Variants in USP10 observed in about 807,000 individuals in gnomAD.
USP10 encodes ubiquitin specific peptidase 10.
A neutral mutation model predicts 84.5 loss-of-function variants in USP10; 22 were observed. The ratio of observed to expected loss-of-function variants is 0.26; its 90% CI spans 0.19 to 0.37. The LOEUF (loss-of-function observed/expected upper bound fraction) is 0.37, where lower values mean the gene tolerates loss of function less well. Ranked by LOEUF, USP10 falls within the 10% of genes least tolerant of loss-of-function variation. The pLI is 1.00. For missense variants in USP10, 1,019 were observed against 998.9 expected (o/e 1.02, Z -0.27); for synonymous variants, 454 against 387.6 (o/e 1.17, Z -2.01).
intron 4 of USP10, among the ~76,000 whole-genome samples, chr16:84,750,404 C>CTAAA (rs1911783712): frequency 9.4e-6 from 1 of 106,288 alleles, no homozygotes; most frequent in African/African-American, 3.6e-5. Context: ...GAGACTGTCT[C>CTAAA]AAAAAAAAAA....
rs145816258 is a variant in USP10 at position 84,725,463 on chromosome 16, C to T, written c.22-7972C>T. Among the ~76,000 whole-genome samples the T allele has an allele frequency of 4.6e-5, 7 of 152,180 alleles. No individual in the cohort carries two copies. The South Asian group carries it at 8.3e-4, about 18-fold the overall frequency. On this transcript the variant is annotated intron_variant, in intron 1 of 13. Transcript: ENST00000219473. ...TACCCGGGCTGGAGTGCAAATGGCA[C>T]GATTTCCGCTCACTGCAACCTCTGC...
intron 1 of USP10, among the ~76,000 whole-genome samples, chr16:84,723,961 T>C (rs1253579532): frequency 6.6e-6 from 1 of 152,216 alleles, no homozygotes; most frequent in African/African-American, 2.4e-5. Flanking sequence ...ATCTTCCATT[T>C]CTTTTTTTCT....
chr16:84,700,082 C>T lies in USP10; in HGVS notation c.-9C>T. 2 of 1,372,538 alleles carry T rather than the reference C, an allele frequency of 1.5e-6. No homozygotes were observed. The highest frequency in any genetic ancestry group is 1.5e-5 in the African/African-American group (1 of 65,022). 85.0% of individuals were successfully genotyped at this position (1,372,538 alleles called of 1,614,324 possible). A position where few individuals can be genotyped will look rare whatever the true frequency, so the allele number is the denominator to read the frequency against. On this transcript the variant is annotated 5_prime_UTR_variant, in exon 1 of 14. In the 5' UTR this introduces an upstream ATG that the reference lacks. Transcript: ENST00000219473. ...GGAGGATCGCGGAGTCCCAATGAAA[C>T]GGGCAGCCATGGCCCTCCACAGCCC... is the stretch of plus-strand genomic sequence containing the variant.
At chr16:84,759,260 T>C in intron 5 of USP10, 103 bp from the exon 6 acceptor site, 1 of 1,088,096 alleles carries the variant, frequency 9.2e-7, no homozygotes. Flanking sequence ...TCAACGTCCT[T>C]AGCTTCCTTG....
chr16:84,712,938 G>A (rs1490791907), intron 1 of USP10, among the ~76,000 whole-genome samples: 6 of 152,184 alleles, frequency 3.9e-5, no homozygotes, highest in Admixed American at 1.3e-4. Flanking sequence ...TTGGCTGTGG[G>A]GGCTCCGTGT....
At chr16:84,703,401 A>G (rs1242034364) in intron 1 of USP10, among the ~76,000 whole-genome samples, 1 of 152,224 alleles carries the variant, frequency 6.6e-6, no homozygotes, top group Non-Finnish European at 1.5e-5. Context: ...GTCTCTGCAT[A>G]GACTCACCCC....
At chr16:84,775,315 C>T (rs775751113) in intron 13 of USP10, 90 bp downstream of exon 13, 198 of 1,281,042 alleles carry the variant, frequency 1.5e-4, no homozygotes, top group Non-Finnish European at 2.1e-4. Context: ...CTTAGCATAG[C>T]GACCAGATGC....
chr16:84,751,811 T>C (rs1911971231), intron 4 of USP10, among the ~76,000 whole-genome samples: 1 of 152,232 alleles, frequency 6.6e-6, no homozygotes, highest in Non-Finnish European at 1.5e-5. Context: ...ATCAGAGTTC[T>C]GTACCTTGCA....
intron 4 of USP10, among the ~76,000 whole-genome samples, chr16:84,746,551 A>T (rs1293127976): frequency 1.3e-5 from 2 of 152,232 alleles, no homozygotes; most frequent in African/African-American, 2.4e-5. Context: ...GAACACATTT[A>T]GACATAGAAA....
At chr16:84,704,876 A>G (rs1319441892) in intron 1 of USP10, 8 of 1,535,580 alleles carry the variant, frequency 5.2e-6, no homozygotes, top group East Asian at 2.4e-5. Context: ...GTGTTGAGAT[A>G]GAAATGTGGT....
intron 9 of USP10, 68 bp downstream of exon 9, chr16:84,763,156 A>G (rs1451431312): frequency 2.1e-6 from 2 of 930,500 alleles, no homozygotes; most frequent in Non-Finnish European, 3.4e-6. Flanking sequence ...GCATACTCAT[A>G]TGTTATGTTG....
intron 12 of USP10, among the ~76,000 whole-genome samples, chr16:84,773,840 C>T (rs927286604): frequency 6.6e-6 from 1 of 152,196 alleles, no homozygotes; most frequent in East Asian, 1.9e-4. Flanking sequence ...CACTCGCCTC[C>T]AGATCAGCTG....
At chr16:84,731,212 C>G (rs919491918) in intron 1 of USP10, among the ~76,000 whole-genome samples, 1 of 151,694 alleles carries the variant, frequency 6.6e-6, no homozygotes, top group African/African-American at 2.4e-5. Context: ...ATCTTCTGAC[C>G]TCATGATCCG....
chr16:84,775,737 G>A (rs1288225919), intron 13 of USP10, among the ~76,000 whole-genome samples: 3 of 152,210 alleles, frequency 2.0e-5, no homozygotes, highest in African/African-American at 4.8e-5. Flanking sequence ...TCCCAACAGG[G>A]TGAATGGCAC....
chr16:84,704,306 G>C (rs2150751463), intron 1 of USP10, among the ~76,000 whole-genome samples: 1 of 152,356 alleles, frequency 6.6e-6, no homozygotes, highest in South Asian at 2.1e-4. Flanking sequence ...AAACGTAGTG[G>C]GAAGAGCTTG....
intron 1 of USP10, among the ~76,000 whole-genome samples, chr16:84,705,425 G>T (rs111900319): frequency 0.011 from 1,665 of 151,998 alleles, 24 homozygotes; most frequent in African/African-American, 0.038. Context: ...TAGAGACTGG[G>T]TTTCACCATG....
intron 1 of USP10, chr16:84,733,076 A>G (rs1470089995): frequency 8.7e-6 from 4 of 461,662 alleles, no homozygotes; most frequent in Non-Finnish European, 1.3e-5. Context: ...GAAAGCGGAA[A>G]TGGAGGTAGT....
chr16:84,700,923 C>T (rs951210621), intron 1 of USP10, among the ~76,000 whole-genome samples: 3 of 152,074 alleles, frequency 2.0e-5, no homozygotes, highest in African/African-American at 7.2e-5. Flanking sequence ...TCTCCCCCCT[C>T]CGCCATTATA....
intron 1 of USP10, among the ~76,000 whole-genome samples, chr16:84,704,252 G>A (rs1043749623): frequency 3.9e-5 from 6 of 152,196 alleles, no homozygotes; most frequent in East Asian, 1.9e-4. Flanking sequence ...CACATTAAAC[G>A]TGGTTGCTGA....
Sources: gnomAD v4.1 joint callset for allele counts (sites outside exome capture counted in the v4.1 genomes callset) on GRCh38, gnomAD v4.1.1 for gene constraint, MANE v1.5 for transcripts, NCBI Gene and HGNC (gene_info 2026-07-23, HGNC 2026-07-21) for gene names.